Variants in CHRDL1 observed in about 807,000 individuals in gnomAD.
CHRDL1 encodes chordin like 1.
Under a neutral mutation model 40.9 loss-of-function variants are expected in CHRDL1, and 19 were observed. That is an observed-to-expected ratio of 0.46 (90% CI 0.32 to 0.68). CHRDL1 has a LOEUF of 0.68. Among genes scored for constraint, CHRDL1 ranks in the 30% least tolerant of loss-of-function variants. The pLI, the probability that CHRDL1 is intolerant of heterozygous loss-of-function variation, is 0.03. For missense variants in CHRDL1, 329 were observed against 352.1 expected, an observed-to-expected ratio of 0.93 and a Z score of 0.53; for synonymous variants, 136 against 123.4, an observed-to-expected ratio of 1.10 and a Z score of -0.68.
intron 4 of CHRDL1, among the ~76,000 whole-genome samples, chrX:110,729,133 A>G (rs1738426): frequency 0.055 from 6,086 of 110,991 alleles, 443 homozygotes; most frequent in African/African-American, 0.19. Context: ...ATCTCAAAAC[A>G]AAAACAAAAA....
chrX:110,685,886 ATT>A (rs72389100), intron 9 of CHRDL1, among the ~76,000 whole-genome samples: 6 of 82,796 alleles, frequency 7.2e-5, no homozygotes, highest in Non-Finnish European at 9.1e-5. Context: ...TTTTTAGCCA[ATT>A]TTTTTTTTTT....
chrX:110,741,918 G>A (rs1451154333), intron 4 of CHRDL1, among the ~76,000 whole-genome samples: 2 of 111,671 alleles, frequency 1.8e-5, no homozygotes, highest in African/African-American at 3.3e-5. Context: ...CTGCTTGGCC[G>A]AAACTCAGCC....
chrX:110,700,419 A>G (rs2070487151), intron 7 of CHRDL1, among the ~76,000 whole-genome samples: 1 of 111,950 alleles, frequency 8.9e-6, no homozygotes, highest in Non-Finnish European at 1.9e-5. Flanking sequence ...TGACCTAGAC[A>G]AAGGGCTGGG....
chrX:110,741,980 A>G (rs950050368), intron 4 of CHRDL1, among the ~76,000 whole-genome samples: 10 of 112,197 alleles, frequency 8.9e-5, no homozygotes, highest in Admixed American at 1.9e-4. Flanking sequence ...CTGTGTTACC[A>G]TAGGTTGGCT....
At position 110,721,496 on chromosome X, in the gene CHRDL1, G is replaced by T. The variant is rs2070952623; in HGVS notation, c.336C>A (p.Thr112=). Residue 112 remains threonine (T), a synonymous_variant, in exon 5 of 12, where the codon ACC becomes ACA. Coordinates refer to ENST00000372042, the MANE Select transcript of CHRDL1 (RefSeq NM_001143981.2). ...TCCCATTGTACTCGCAAGACTTGCT[G>T]GTCACCTTATTGTTCACTGGGGGTA... The part of the protein sequence containing the change: ...DSLPPVNNKV[T]SKSCEYNGTT... The T allele has an allele frequency of 8.3e-7, 1 of 1,208,275 alleles. No individual in the cohort carries two copies. The highest frequency in any genetic ancestry group is 1.1e-6 in the Non-Finnish European group (1 of 892,299).
chrX:110,771,800 T>C (rs2089765015), intron 2 of CHRDL1, among the ~76,000 whole-genome samples: 2 of 111,393 alleles, frequency 1.8e-5, no homozygotes, highest in African/African-American at 3.3e-5. Context: ...CCTGGAGATA[T>C]TAGTCAGTGA....
At chrX:110,748,492 C>A (rs939343822) in intron 4 of CHRDL1, among the ~76,000 whole-genome samples, 4 of 111,687 alleles carry the variant, frequency 3.6e-5, no homozygotes, top group African/African-American at 1.3e-4. Context: ...CTAGTTACTG[C>A]TTGTCAGGCC....
chrX:110,754,223 T>C (rs1278722893), intron 4 of CHRDL1, among the ~76,000 whole-genome samples: 1 of 112,542 alleles, frequency 8.9e-6, no homozygotes, highest in Non-Finnish European at 1.9e-5. Context: ...CAAGCTAATG[T>C]TACCATTTTA....
chrX:110,727,582 A>G (rs369597019), intron 4 of CHRDL1, among the ~76,000 whole-genome samples: 1 of 112,253 alleles, frequency 8.9e-6, no homozygotes, highest in East Asian at 2.8e-4. Flanking sequence ...ATATAAATAG[A>G]CAGTTGACAG....
intron 4 of CHRDL1, among the ~76,000 whole-genome samples, chrX:110,723,903 C>T (rs1032840319): frequency 8.9e-6 from 1 of 112,309 alleles, no homozygotes; most frequent in East Asian, 2.8e-4. Context: ...CTTACTTTTG[C>T]CTTATAAAGA....
chrX:110,726,123 G>A (rs1055548939), intron 4 of CHRDL1, among the ~76,000 whole-genome samples: 13 of 111,004 alleles, frequency 1.2e-4, no homozygotes, highest in East Asian at 2.8e-4. Context: ...TTCTATGTGC[G>A]TATCTCACAG....
At chrX:110,768,254 G>T (rs1163546457) in intron 2 of CHRDL1, among the ~76,000 whole-genome samples, 1 of 112,076 alleles carries the variant, frequency 8.9e-6, no homozygotes, top group Non-Finnish European at 1.9e-5. Flanking sequence ...AGCACTGTCA[G>T]GCAATATGCT....
intron 2 of CHRDL1, among the ~76,000 whole-genome samples, chrX:110,784,451 AC>A (rs2089987156): frequency 9.0e-6 from 1 of 110,739 alleles, no homozygotes; most frequent in African/African-American, 3.3e-5. Flanking sequence ...TTGCTCTGTC[AC>A]CCAGGCTGGA....
intron 4 of CHRDL1, among the ~76,000 whole-genome samples, chrX:110,749,456 AATTCTGGGAGCAT>A (rs1335328658): frequency 1.8e-5 from 2 of 111,955 alleles, no homozygotes; most frequent in African/African-American, 6.5e-5. Flanking sequence ...GCCTATCTCC[AATTCTGGGAGCAT>A]AACTCTAGAA....
At position 110,679,317 on chromosome X, in the gene CHRDL1, CAAGAGAAGTACT is replaced by C; in HGVS notation, c.1246+7_1246+18del. ...CTGAATGTGTTTTTCAGGGAGCAGT[CAAGAGAAGTACT>C]ACTTACTCAGGGTTGTTCTGGTCAC... On this transcript the variant is annotated splice_region_variant and intron_variant, in intron 11 of 11. Coordinates refer to ENST00000372042, the MANE Select transcript of CHRDL1 (RefSeq NM_001143981.2). 9.0e-7 allele frequency: 1 copy of C among 1,111,449 alleles called. No homozygotes were observed. Among genetic ancestry groups the C allele is most frequent in the South Asian group, 1.8e-5 (1 of 54,597 alleles). The allele number at this position is 1,111,449 out of a possible 1,213,427, so 91.6% of individuals were successfully genotyped here.
intron 4 of CHRDL1, among the ~76,000 whole-genome samples, chrX:110,750,857 T>C (rs1019690280): frequency 1.8e-5 from 2 of 111,753 alleles, no homozygotes; most frequent in African/African-American, 6.5e-5. Context: ...GCAGGGTTAG[T>C]CCTGGGGAAA....
intron 6 of CHRDL1, among the ~76,000 whole-genome samples, chrX:110,706,835 T>C (rs185621878): frequency 2.7e-5 from 3 of 112,641 alleles, no homozygotes; most frequent in African/African-American, 9.6e-5. Flanking sequence ...TGTGCCTCGG[T>C]TGAGATAGTA....
chrX:110,677,441 A>G (rs1438192763), intron 11 of CHRDL1, among the ~76,000 whole-genome samples: 2 of 111,537 alleles, frequency 1.8e-5, no homozygotes, highest in Non-Finnish European at 3.8e-5. Flanking sequence ...AACTTCTTTC[A>G]GCTACACACA....
chrX:110,780,645 T>C (rs2089925807), intron 2 of CHRDL1, among the ~76,000 whole-genome samples: 1 of 111,604 alleles, frequency 9.0e-6, no homozygotes, highest in Non-Finnish European at 1.9e-5. Flanking sequence ...ATGTTTTGAG[T>C]ACTTTCAAAT....
Sources: allele counts gnomAD v4.1 joint callset (sites outside exome capture counted in the v4.1 genomes callset), GRCh38; gene constraint gnomAD v4.1.1; transcripts MANE v1.5; gene names NCBI Gene and HGNC (gene_info 2026-07-23, HGNC 2026-07-21).